Variants in ADGRG5 observed in about 807,000 individuals in gnomAD.
ADGRG5 encodes G protein-coupled receptor 114.
ADGRG5 carries 37 observed loss-of-function variants against 53.2 expected under a neutral mutation model. The ratio of observed to expected loss-of-function variants is 0.70; its 90% CI spans 0.53 to 0.91. The LOEUF (loss-of-function observed/expected upper bound fraction) is 0.91. Among genes scored for constraint, ADGRG5 ranks in the 40% least tolerant of loss-of-function variants. The probability of loss-of-function intolerance (pLI) is 0.00; values close to 1 mark genes in which losing one functional copy is unlikely to be tolerated. For missense variants in ADGRG5, 614 were observed against 675.8 expected (o/e 0.91, Z 1.01); for synonymous variants, 277 against 290.4 (o/e 0.95, Z 0.47).
chr16:57,552,911 A>T lies in ADGRG5; in HGVS notation c.-38-9145A>T, dbSNP rs530086199. 2.0e-3 allele frequency among the ~76,000 whole-genome samples: 302 copies of T among 152,158 alleles called. 2 individuals carry two copies. The highest frequency in any genetic ancestry group is 3.4e-3 in the Admixed American group (52 of 15,286). On this transcript the variant is annotated intron_variant, in intron 1 of 11. Coordinates refer to ENST00000349457, the MANE Select transcript of ADGRG5 (RefSeq NM_001304376.3). The stretch of plus-strand genomic sequence containing the variant: ...CATTGTAGAGTTATTCATTGTTCTG[A>T]TTTCGATATTGTTGTGTCCTAGAGA...
chr16:57,563,145 C>G lies in ADGRG5; in HGVS notation c.195C>G (p.Asn65Lys). ...TGAACACCAGCTTCCCAGGCTACAA[C>G]CTGACCTTGCAGACACCCACCATCC... The part of the protein sequence containing the change: ...MLLNTSFPGY[N>K]LTLQTPTIQS... Residue 65 changes from asparagine (N) to lysine (K), a missense_variant, in exon 4 of 12, where the codon AAC (asparagine) becomes AAG (lysine). Physicochemically the swap from Asn to Lys is moderately conservative, Grantham distance 94. Coordinates refer to ENST00000349457, the MANE Select transcript of ADGRG5 (RefSeq NM_001304376.3). 1 of 1,614,184 alleles carries G rather than the reference C, an allele frequency of 6.2e-7. No homozygotes were observed. Among genetic ancestry groups the G allele is most frequent in the South Asian group, 1.1e-5 (1 of 91,086 alleles).
At chr16:57,555,500 A>C (rs191231891) in intron 1 of ADGRG5, among the ~76,000 whole-genome samples, 1 of 152,154 alleles carries the variant, frequency 6.6e-6, no homozygotes, top group Non-Finnish European at 1.5e-5. Flanking sequence ...GGACTGATAT[A>C]TCTTCTATAT....
At chr16:57,549,160 T>C (rs2032691310) in intron 1 of ADGRG5, among the ~76,000 whole-genome samples, 1 of 152,224 alleles carries the variant, frequency 6.6e-6, no homozygotes, top group East Asian at 1.9e-4. Flanking sequence ...TGCCCTATTC[T>C]TTCCATAGGA....
chr16:57,554,574 C>T (rs935293046), intron 1 of ADGRG5, among the ~76,000 whole-genome samples: 6 of 151,960 alleles, frequency 3.9e-5, no homozygotes, highest in South Asian at 2.1e-4. Context: ...GATGGGGTTT[C>T]ACCGTGTTAG....
At chr16:57,554,660 G>A (rs1273474705) in intron 1 of ADGRG5, among the ~76,000 whole-genome samples, 2 of 152,260 alleles carry the variant, frequency 1.3e-5, no homozygotes, top group South Asian at 2.1e-4. Context: ...ACAGGTGTGA[G>A]CCACCACGCT....
rs2033456843 is a variant in ADGRG5, at chr16:57,574,514, T to G, written c.1209-301T>G. On this transcript the variant is annotated intron_variant, in intron 10 of 11. Coordinates refer to ENST00000349457, the MANE Select transcript of ADGRG5 (RefSeq NM_001304376.3). The surrounding 1 kb of genome is among the most constrained non-coding windows in gnomAD (Gnocchi z 4.4). ...GGCTGGCCATGGAAGCAGAGAGGAG[T>G]GAGATGTGGAAAGGAGAGAGGAAGA... Among the ~76,000 whole-genome samples the G allele has an allele frequency of 1.4e-5, 2 of 147,586 alleles. No homozygotes were observed. Among genetic ancestry groups the G allele is most frequent in the East Asian group, 2.0e-4 (1 of 4,988 alleles).
upstream of ADGRG5, among the ~76,000 whole-genome samples, chr16:57,541,398 C>T (rs544980202): frequency 3.3e-5 from 5 of 152,258 alleles, no homozygotes; most frequent in Non-Finnish European, 4.4e-5. Flanking sequence ...AAAACCGAAG[C>T]GCAAAGAAGG....
At chr16:57,564,875 G>GAGGCTGGGA (rs1313805276) in intron 5 of ADGRG5, among the ~76,000 whole-genome samples, 159 bp from the exon 6 acceptor site, 15 of 151,796 alleles carry the variant, frequency 9.9e-5, no homozygotes, top group African/African-American at 3.2e-4. Context: ...CAAAGGCTGG[G>GAGGCTGGGA]AGGCTGGGAA....
At chr16:57,544,745 C>T (rs1345405803) in intron 1 of ADGRG5, among the ~76,000 whole-genome samples, 1 of 152,112 alleles carries the variant, frequency 6.6e-6, no homozygotes, top group Admixed American at 6.6e-5. Context: ...CCTTCAGTAG[C>T]TTCTTTTGCC....
rs1170967621 is a variant in ADGRG5, at chr16:57,576,179, G to A, written c.*641G>A. 1.3e-5 allele frequency: 2 copies of A among 152,354 alleles called. No individual in the cohort carries two copies. Among genetic ancestry groups the A allele is most frequent in the Non-Finnish European group, 2.9e-5 (2 of 68,214 alleles). The allele number at this position is 152,354 out of a possible 1,614,324, so 9.4% of individuals were successfully genotyped here. A position where few individuals can be genotyped will look rare whatever the true frequency, so the allele number is the denominator to read the frequency against. On this transcript the variant is annotated 3_prime_UTR_variant, in exon 12 of 12. Coordinates refer to ENST00000349457, the MANE Select transcript of ADGRG5 (RefSeq NM_001304376.3). ...TGAGACTTTACTGGCCTATGCCTGA[G>A]GCCTCTTTTCCTTTAACTCCCTAAA... is the stretch of plus-strand genomic sequence containing the variant.
intron 6 of ADGRG5, chr16:57,566,276 G>C: frequency 4.1e-6 from 1 of 243,804 alleles, no homozygotes; most frequent in Non-Finnish European, 7.8e-6. Context: ...AGCGCCTACT[G>C]TATAAAAGGC....
intron 1 of ADGRG5, among the ~76,000 whole-genome samples, chr16:57,548,236 G>T (rs2032665894): frequency 6.8e-6 from 1 of 146,670 alleles, no homozygotes; most frequent in African/African-American, 2.5e-5. Context: ...ACAATCTGTT[G>T]CATATTTTAA....
At chr16:57,555,583 A>C (rs1341375148) in intron 1 of ADGRG5, among the ~76,000 whole-genome samples, 2 of 152,146 alleles carry the variant, frequency 1.3e-5, no homozygotes, top group African/African-American at 4.8e-5. Flanking sequence ...TTGGTTTGTC[A>C]ATTTCTCCTT....
chr16:57,553,093 A>G (rs901689611), intron 1 of ADGRG5, among the ~76,000 whole-genome samples: 1 of 152,226 alleles, frequency 6.6e-6, no homozygotes, highest in Non-Finnish European at 1.5e-5. Context: ...ATCTCTGTTC[A>G]CAGATCACCA....
chr16:57,555,760 A>C (rs1311170623), intron 1 of ADGRG5, among the ~76,000 whole-genome samples: 1 of 152,186 alleles, frequency 6.6e-6, no homozygotes, highest in African/African-American at 2.4e-5. Flanking sequence ...TAATATAGCT[A>C]TTCCCTCTTA....
At position 57,575,075 on chromosome 16, in the gene ADGRG5, T is replaced by C; in HGVS notation, c.1469T>C (p.Ile490Thr). Residue 490 changes from isoleucine (I) to threonine (T), a missense_variant, in exon 11 of 12, where the codon ATC becomes ACC. Physicochemically the swap from Ile to Thr is moderately conservative, Grantham distance 89. Transcript: ENST00000349457. ...CTGCCCCAGCTGTTCCTCTTCACCATCTTAAACTCGCTCTACGGTAGGGCT... is the reference window on the plus strand; with the variant it reads ...CTGCCCCAGCTGTTCCTCTTCACCACCTTAAACTCGCTCTACGGTAGGGCT... ...FLLPQLFLFT[I>T]LNSLYGFFLF... 4 of 1,613,250 alleles carry C rather than the reference T, an allele frequency of 2.5e-6. No homozygotes were observed. The highest frequency in any genetic ancestry group is 3.4e-6 in the Non-Finnish European group (4 of 1,179,720).
the ADGRG5 span, among the ~76,000 whole-genome samples, chr16:57,534,686 A>G: frequency 6.6e-6 from 1 of 152,128 alleles, no homozygotes; most frequent in South Asian, 2.1e-4. Flanking sequence ...AGAAGGTGGT[A>G]CCACTCTTAG....
chr16:57,536,829 G>T, the ADGRG5 span, among the ~76,000 whole-genome samples: 8 of 152,116 alleles, frequency 5.3e-5, no homozygotes, highest in South Asian at 8.3e-4. Flanking sequence ...CGAGAGTTGC[G>T]GGGGGGCTCG....
chr16:57,550,135 C>T (rs1007959274), intron 1 of ADGRG5, among the ~76,000 whole-genome samples: 1 of 152,168 alleles, frequency 6.6e-6, no homozygotes, highest in East Asian at 1.9e-4. Context: ...TGCTACCACA[C>T]CTGGCTAATT....
Sources: gnomAD v4.1 joint callset for allele counts (sites outside exome capture counted in the v4.1 genomes callset) on GRCh38, gnomAD v4.1.1 for gene constraint, Gnocchi (gnomAD v3.1) non-coding constraint, MANE v1.5 for transcripts, NCBI Gene and HGNC (gene_info 2026-07-23, HGNC 2026-07-21) for gene names.